The following CHRM3 variants were observed in gnomAD, a reference collection of about 807,000 sequenced individuals.
The protein encoded by CHRM3 is muscarinic acetylcholine receptor M3.
CHRM3 carries 11 observed loss-of-function variants against 41.8 expected under a neutral mutation model. The observed-to-expected ratio is 0.26, with a 90% CI of 0.17 to 0.44. The LOEUF (loss-of-function observed/expected upper bound fraction) is 0.44, where lower values mean the gene tolerates loss of function less well. Ranked by LOEUF, CHRM3 falls within the 20% of genes least tolerant of loss-of-function variation. The probability of loss-of-function intolerance (pLI) is 1.00; values close to 1 mark genes in which losing one functional copy is unlikely to be tolerated. For synonymous variants in CHRM3, 297 were observed against 301.4 expected (o/e 0.99, Z 0.15); for missense variants, 571 against 745.4 (o/e 0.77, Z 2.72).
intron 6 of CHRM3, among the ~76,000 whole-genome samples, chr1:239,895,312 C>T (rs1171584968): frequency 5.9e-5 from 9 of 152,142 alleles, no homozygotes; most frequent in Non-Finnish European, 1.0e-4. Context: ...GGAGAAAGCC[C>T]GAATTTGTTT....
chr1:239,870,913 G>T (rs925161343), intron 6 of CHRM3, among the ~76,000 whole-genome samples: 5 of 152,082 alleles, frequency 3.3e-5, no homozygotes, highest in African/African-American at 1.2e-4. Context: ...CTTCAAACTA[G>T]CAGGGATTAA....
At chr1:239,418,494 G>C (rs1174280694) in intron 1 of CHRM3, among the ~76,000 whole-genome samples, 1 of 152,148 alleles carries the variant, frequency 6.6e-6, no homozygotes, top group African/African-American at 2.4e-5. Flanking sequence ...TGCATGCAAA[G>C]TTTCCCATTT....
rs1256775048 is a variant in CHRM3, at chr1:239,914,544, A to AG, written c.*5322dup. On this transcript the variant is annotated 3_prime_UTR_variant, in exon 7 of 7. Transcript: ENST00000676153. ...TGAACAAATAATTTAGAGTCCAAAG[A>AG]GGAAAAAGAAAATTAACTCTGTTTT... The AG allele has an allele frequency of 6.0e-6, 1 of 167,100 alleles. No homozygotes were observed. The highest frequency in any genetic ancestry group is 1.5e-5 in the Non-Finnish European group (1 of 68,120). The allele number at this position is 167,100 out of a possible 1,614,324, so 10.4% of individuals were successfully genotyped here.
rs1275709136 is a variant in CHRM3 at position 239,387,384 on chromosome 1, G to A, written c.-521+157G>A. Among the ~76,000 whole-genome samples, 1 of 152,176 alleles carries A rather than the reference G, an allele frequency of 6.6e-6. No homozygotes were observed. Among genetic ancestry groups the A allele is most frequent in the Non-Finnish European group, 1.5e-5 (1 of 68,010 alleles). ...GAGTCCAAAGAAGGGGCTGGGTAGG[G>A]ACGAGAGAGGCTGTTGATTTGGGGA... On this transcript the variant is annotated intron_variant, in intron 1 of 6. Coordinates refer to ENST00000676153, the MANE Select transcript of CHRM3 (RefSeq NM_001375978.1). This position sits in a 1 kb window ranked among gnomAD's most constrained non-coding sequence, Gnocchi z 5.1.
At chr1:239,407,376 A>G (rs1390751713) in intron 1 of CHRM3, among the ~76,000 whole-genome samples, 2 of 150,864 alleles carry the variant, frequency 1.3e-5, no homozygotes, top group Non-Finnish European at 2.9e-5. Flanking sequence ...GCCCACTACA[A>G]TATGAGCTCT....
At chr1:239,689,456 AT>A (rs1166643372) in intron 5 of CHRM3, among the ~76,000 whole-genome samples, 1 of 152,292 alleles carries the variant, frequency 6.6e-6, no homozygotes, top group Non-Finnish European at 1.5e-5. Context: ...TCTCTAAAGT[AT>A]TTTTTAATAA....
intron 2 of CHRM3, among the ~76,000 whole-genome samples, chr1:239,527,839 C>A (rs1056980731): frequency 3.9e-5 from 6 of 152,172 alleles, no homozygotes; most frequent in African/African-American, 1.4e-4. Flanking sequence ...ATATTTAAAT[C>A]TATGTTATAT....
At chr1:239,564,659 T>A (rs1161302557) in intron 3 of CHRM3, among the ~76,000 whole-genome samples, 1 of 152,168 alleles carries the variant, frequency 6.6e-6, no homozygotes, top group African/African-American at 2.4e-5. Context: ...AGTTTTTAGG[T>A]AACAAATTGT....
chr1:239,742,821 C>CA (rs1664975290), intron 5 of CHRM3, among the ~76,000 whole-genome samples: 1 of 152,180 alleles, frequency 6.6e-6, no homozygotes, highest in African/African-American at 2.4e-5. Flanking sequence ...AAATCTCTAA[C>CA]AAGATTCACT....
chr1:239,719,017 C>A (rs1179380188), intron 5 of CHRM3: 1 of 151,852 alleles, frequency 6.6e-6, no homozygotes, highest in African/African-American at 2.4e-5. Context: ...ATGCTAGACT[C>A]CAAAAAATAA....
intron 1 of CHRM3, among the ~76,000 whole-genome samples, chr1:239,455,018 A>G (rs1664821201): frequency 6.6e-6 from 1 of 152,088 alleles, no homozygotes; most frequent in South Asian, 2.1e-4. Context: ...TTATGTATTT[A>G]CTATACTATA....
chr1:239,644,386 C>A (rs1338279314), intron 4 of CHRM3, among the ~76,000 whole-genome samples: 1 of 151,356 alleles, frequency 6.6e-6, no homozygotes, highest in Non-Finnish European at 1.5e-5. Flanking sequence ...CCAGGGTCCT[C>A]AGCCTCAGAG....
At chr1:239,683,151 A>G (rs1353197434) in intron 5 of CHRM3, among the ~76,000 whole-genome samples, 1 of 152,166 alleles carries the variant, frequency 6.6e-6, no homozygotes, top group Non-Finnish European at 1.5e-5. Context: ...ATTATTTTGG[A>G]ACAAAAGATG....
chr1:239,486,218 A>G (rs947339309), intron 1 of CHRM3, among the ~76,000 whole-genome samples: 1 of 152,176 alleles, frequency 6.6e-6, no homozygotes, highest in African/African-American at 2.4e-5. Flanking sequence ...CTCTAGCAAT[A>G]TCTATAAATC....
At chr1:239,600,247 T>G (rs1665346796) in intron 3 of CHRM3, among the ~76,000 whole-genome samples, 1 of 152,076 alleles carries the variant, frequency 6.6e-6, no homozygotes, top group Non-Finnish European at 1.5e-5. Flanking sequence ...ATGTCAGTAG[T>G]CATGTTGGTG....
At chr1:239,618,753 A>G (rs907720933) in intron 3 of CHRM3, among the ~76,000 whole-genome samples, 3 of 145,658 alleles carry the variant, frequency 2.1e-5, no homozygotes, top group African/African-American at 5.0e-5. Context: ...CTGAGGCAGG[A>G]GAATGGCGTG....
At chr1:239,721,667 T>G (rs1239508171) in intron 5 of CHRM3, among the ~76,000 whole-genome samples, 1 of 151,910 alleles carries the variant, frequency 6.6e-6, no homozygotes, top group Non-Finnish European at 1.5e-5. Flanking sequence ...AGAACATGTA[T>G]TGAATTAATT....
intron 3 of CHRM3, among the ~76,000 whole-genome samples, chr1:239,618,594 C>T (rs1390507341): frequency 2.0e-5 from 3 of 151,658 alleles, no homozygotes; most frequent in South Asian, 2.1e-4. Flanking sequence ...CCTGTAATCC[C>T]AGCACTTTGG....
intron 3 of CHRM3, among the ~76,000 whole-genome samples, chr1:239,607,259 C>T (rs756775628): frequency 1.2e-3 from 178 of 152,116 alleles, no homozygotes; most frequent in Middle Eastern, 3.4e-3. Context: ...AGTAGTAGTA[C>T]CTGCATAAGA....
Sources: allele counts gnomAD v4.1 joint callset (sites outside exome capture counted in the v4.1 genomes callset), GRCh38; gene constraint gnomAD v4.1.1; non-coding constraint Gnocchi (gnomAD v3.1); transcripts MANE v1.5; gene names NCBI Gene and HGNC (gene_info 2026-07-23, HGNC 2026-07-21).